Variants in ERI3 observed in about 807,000 individuals in gnomAD.
The protein encoded by ERI3 is ERI1 exoribonuclease family member 3, also known as ERI1 exoribonuclease 3.
In ERI3, 18 loss-of-function variants were observed where a neutral mutation model predicts 44.4. That is an observed-to-expected ratio of 0.41 (90% CI 0.28 to 0.60). The LOEUF is 0.60. Ranked by LOEUF, ERI3 falls within the 20% of genes least tolerant of loss-of-function variation. The pLI, the probability that ERI3 is intolerant of heterozygous loss-of-function variation, is 0.36. For missense variants in ERI3, 294 were observed against 435.5 expected (o/e 0.68, Z 2.89); for synonymous variants, 183 against 164.8 (o/e 1.11, Z -0.84).
chr1:44,273,859 G>C lies in ERI3; in HGVS notation c.831+10976C>G, dbSNP rs577065368. On this transcript the variant is annotated intron_variant, in intron 7 of 8. Coordinates refer to ENST00000372257, the MANE Select transcript of ERI3 (RefSeq NM_024066.3). The stretch of plus-strand genomic sequence containing the variant: ...GAACAGTATATGTAAGGGGAGGTGA[G>C]ACAGTCATGTATATTTGAAAAACAA... 1.5e-3 allele frequency among the ~76,000 whole-genome samples: 224 copies of C among 152,308 alleles called. 4 individuals are homozygous for C. Among genetic ancestry groups the C allele is most frequent in the African/African-American group, 5.1e-3 (214 of 41,562 alleles).
chr1:44,328,175 T>C (rs1045966710), intron 3 of ERI3, among the ~76,000 whole-genome samples: 5 of 151,978 alleles, frequency 3.3e-5, no homozygotes, highest in Admixed American at 3.3e-4. Flanking sequence ...CAATAGATTT[T>C]TAAAAATTCA....
intron 7 of ERI3, among the ~76,000 whole-genome samples, chr1:44,265,089 C>T (rs956420366): frequency 2.0e-5 from 3 of 152,296 alleles, no homozygotes; most frequent in Non-Finnish European, 4.4e-5. Flanking sequence ...CTCCCGCAAG[C>T]ATCCTCTCAC....
chr1:44,350,404 G>C (rs1184720622), intron 2 of ERI3, among the ~76,000 whole-genome samples: 7 of 152,082 alleles, frequency 4.6e-5, no homozygotes, highest in Non-Finnish European at 1.0e-4. Context: ...TGGGATTACA[G>C]GCACATGCCA....
chr1:44,272,830 A>G (rs2154321699), intron 7 of ERI3, among the ~76,000 whole-genome samples: 1 of 150,784 alleles, frequency 6.6e-6, no homozygotes, highest in South Asian at 2.1e-4. Flanking sequence ...ACAGAGCAAG[A>G]GACTGTCTCA....
chr1:44,265,049 G>A (rs1335364370), intron 7 of ERI3, among the ~76,000 whole-genome samples: 1 of 152,098 alleles, frequency 6.6e-6, no homozygotes, highest in Admixed American at 6.6e-5. Flanking sequence ...GCCTAGCCTT[G>A]AGCCAGGAGG....
At position 44,327,383 on chromosome 1, in the gene ERI3, T is replaced by C. The variant is rs866506968; in HGVS notation, c.490-7639A>G. On this transcript the variant is annotated intron_variant, in intron 3 of 8. Coordinates refer to ENST00000372257, the MANE Select transcript of ERI3 (RefSeq NM_024066.3). ...TGTATCTCAACAGCTTATTAGGAGG[T>C]TGTGGATCAGAATAATACTAGTACT... Among the ~76,000 whole-genome samples, 8 of 152,270 alleles carry C rather than the reference T, an allele frequency of 5.3e-5. No homozygotes were observed. The South Asian group carries it at 1.5e-3, about 28-fold the overall frequency.
In ERI3 at chr1:44,352,937, T is replaced by C; in HGVS notation, c.136-12A>G. 1.2e-6 allele frequency: 2 copies of C among 1,613,998 alleles called. No homozygotes were observed. Among genetic ancestry groups the C allele is most frequent in the Non-Finnish European group, 8.5e-7 (1 of 1,179,976 alleles). On this transcript the variant is annotated splice_polypyrimidine_tract_variant and intron_variant, in intron 1 of 8. Transcript: ENST00000372257. ...GGAAAGCCCCAATGCTGTGGATAAA[T>C]ACACATCTCTGCAACAAGTCTATTT...
At position 44,323,476 on chromosome 1, in the gene ERI3, C is replaced by A. The variant is rs1333864753; in HGVS notation, c.490-3732G>T. Among the ~76,000 whole-genome samples, 3 of 152,170 alleles carry A rather than the reference C, an allele frequency of 2.0e-5. No homozygotes were observed. In the East Asian group the frequency reaches 5.8e-4, roughly 29 times the overall value. On this transcript the variant is annotated intron_variant, in intron 3 of 8. Transcript: ENST00000372257. ...ATCATCACCATCACCATCTTCAGGT[C>A]ATAAATCAATACTATTAAGCATCTA...
chr1:44,264,773 G>A (rs1263643688), intron 7 of ERI3, among the ~76,000 whole-genome samples: 3 of 152,182 alleles, frequency 2.0e-5, no homozygotes, highest in Non-Finnish European at 4.4e-5. Flanking sequence ...TGCCCACCAC[G>A]CTGATGCATC....
At chr1:44,276,058 T>G (rs563984088) in intron 7 of ERI3, among the ~76,000 whole-genome samples, 7 of 152,124 alleles carry the variant, frequency 4.6e-5, no homozygotes, top group Non-Finnish European at 1.0e-4. Context: ...AGGAAGCAAG[T>G]TGAGACAGAG....
intron 6 of ERI3, among the ~76,000 whole-genome samples, chr1:44,290,953 C>T (rs1285316834): frequency 1.3e-5 from 2 of 152,132 alleles, no homozygotes; most frequent in African/African-American, 2.4e-5. Context: ...GCAAATTGAG[C>T]AACAATGAGA....
Position 44,221,551 on chromosome 1 carries a change from C to T in ERI3, c.*7G>A, listed in dbSNP as rs200859983. On this transcript the variant is annotated 3_prime_UTR_variant, in exon 9 of 9. Coordinates refer to ENST00000372257, the MANE Select transcript of ERI3 (RefSeq NM_024066.3). This position sits in a 1 kb window ranked among gnomAD's most constrained non-coding sequence, Gnocchi z 5.9. ...ACCCTGTCCTGCCCCATCCTGTCCT[C>T]GGCCAATCAGAACGGCTTCGATGTC... 24 of 1,613,158 alleles carry T rather than the reference C, an allele frequency of 1.5e-5. No individual in the cohort carries two copies. The highest frequency in any genetic ancestry group is 1.0e-4 in the Admixed American group (6 of 60,030).
rs377524329 is a variant in ERI3, at chr1:44,241,694, G to C, written c.931+6245C>G. On this transcript the variant is annotated intron_variant, in intron 8 of 8. Coordinates refer to ENST00000372257, the MANE Select transcript of ERI3 (RefSeq NM_024066.3). This position sits in a 1 kb window ranked among gnomAD's most constrained non-coding sequence, Gnocchi z 5.6. The stretch of plus-strand genomic sequence containing the variant: ...TGATTTCTTTGTCATTTAAGTCTGC[G>C]ATGGTTTGACAGGAGATACAGAGAG... Among the ~76,000 whole-genome samples the C allele has an allele frequency of 6.6e-6, 1 of 152,150 alleles. No homozygotes were observed. The highest frequency in any genetic ancestry group is 1.5e-5 in the Non-Finnish European group (1 of 68,036).
At chr1:44,324,520 C>T (rs1375198411) in intron 3 of ERI3, among the ~76,000 whole-genome samples, 4 of 122,438 alleles carry the variant, frequency 3.3e-5, no homozygotes, top group African/African-American at 6.1e-5. Flanking sequence ...CTCGCTCTGT[C>T]GCCCAGGCTG....
intron 6 of ERI3, among the ~76,000 whole-genome samples, chr1:44,297,662 A>C (rs962026895): frequency 1.3e-5 from 2 of 152,142 alleles, no homozygotes; most frequent in Non-Finnish European, 2.9e-5. Context: ...TGTCTTTCCC[A>C]GTGCCTGGAT....
At chr1:44,275,970 C>T (rs909193389) in intron 7 of ERI3, among the ~76,000 whole-genome samples, 5 of 152,172 alleles carry the variant, frequency 3.3e-5, no homozygotes, top group African/African-American at 4.8e-5. Context: ...GATTAGGCAT[C>T]GGGTGAGTGC....
At chr1:44,293,615 C>T (rs1436070310) in intron 6 of ERI3, among the ~76,000 whole-genome samples, 1 of 152,180 alleles carries the variant, frequency 6.6e-6, no homozygotes, top group Non-Finnish European at 1.5e-5. Flanking sequence ...ATGTCAGGAG[C>T]CAGAGCTCCT....
intron 7 of ERI3, among the ~76,000 whole-genome samples, chr1:44,272,841 A>AAAAATAAAAT (rs3054072): frequency 0.032 from 4,647 of 146,590 alleles, 99 homozygotes; most frequent in East Asian, 0.1. Flanking sequence ...GACTGTCTCA[A>AAAAATAAAAT]AAAATAAAAT....
intron 1 of ERI3, 111 bp from the exon 2 acceptor site, chr1:44,353,036 A>C: frequency 6.4e-7 from 1 of 1,558,832 alleles, no homozygotes; most frequent in Non-Finnish European, 8.7e-7. Flanking sequence ...GATAACTGCT[A>C]TCTATGTGCA....
Sources: allele counts gnomAD v4.1 joint callset (sites outside exome capture counted in the v4.1 genomes callset), GRCh38; gene constraint gnomAD v4.1.1; non-coding constraint Gnocchi (gnomAD v3.1); transcripts MANE v1.5; gene names NCBI Gene and HGNC (gene_info 2026-07-23, HGNC 2026-07-21).